Variants in ATAD3C observed in about 807,000 individuals in gnomAD.
ATAD3C encodes the protein ATPase family AAA domain containing 3C.
Under a neutral mutation model 46.3 loss-of-function variants are expected in ATAD3C, and 38 were observed. The observed-to-expected ratio is 0.82, with a 90% confidence interval of 0.63 to 1.08. The LOEUF (loss-of-function observed/expected upper bound fraction) is 1.08. ATAD3C is among the 50% of genes least tolerant of loss of function. The pLI is 0.00. For synonymous variants in ATAD3C, 220 were observed against 236.4 expected, an observed-to-expected ratio of 0.93 and a Z score of 0.63; for missense variants, 563 against 572.7, an observed-to-expected ratio of 0.98 and a Z score of 0.17.
intron 10 of ATAD3C, 134 bp downstream of exon 10, chr1:1,461,051 AG>A (rs1639053444): frequency 4.1e-6 from 5 of 1,216,460 alleles, no homozygotes; most frequent in Non-Finnish European, 5.5e-6. Flanking sequence ...GGTTTCGTGC[AG>A]GAGCCCTGTG....
At chr1:1,463,893 C>T (rs753463856) in intron 11 of ATAD3C, among the ~76,000 whole-genome samples, 1 of 151,620 alleles carries the variant, frequency 6.6e-6, no homozygotes, top group African/African-American at 2.4e-5. Flanking sequence ...GCCTGGGTTA[C>T]AGAGTGAGAC....
rs768274901 is a variant in ATAD3C, at chr1:1,452,406, T to G, written c.194T>G (p.Val65Gly). Residue 65 changes from valine (V) to glycine (G), a missense_variant, in exon 3 of 12, where the codon GTG becomes GGG. By Grantham distance (109) the Val-to-Gly change is moderately radical. Transcript: ENST00000378785. ...TLFGEGFRAF[V>G]TDRDKVTATV... ...TTTGGGGAAGGATTCCGTGCCTTTG[T>G]GACAGACCGGGACAAAGTGACAGCC... 7 of 1,613,738 alleles carry G rather than the reference T, an allele frequency of 4.3e-6. No individual in the cohort carries two copies. In the Admixed American group the frequency reaches 1.2e-4, roughly 27 times the overall value.
At position 1,468,711 on chromosome 1, in the gene ATAD3C, G is replaced by C. The variant is rs1358944940; in HGVS notation, c.*181G>C. The C allele has an allele frequency of 8.7e-7, 1 of 1,146,188 alleles. No individual in the cohort carries two copies. The highest frequency in any genetic ancestry group is 2.5e-5 in the East Asian group (1 of 39,488). The allele number at this position is 1,146,188 out of a possible 1,614,324, so 71.0% of individuals were successfully genotyped here. A position where few individuals can be genotyped will look rare whatever the true frequency, so the allele number is the denominator to read the frequency against. On this transcript the variant is annotated 3_prime_UTR_variant, in exon 12 of 12. Coordinates refer to ENST00000378785, the MANE Select transcript of ATAD3C (RefSeq NM_001039211.3). ...CCCCTAACGTCCCCCTGGGGTCAAA[G>C]GTGACAGAAAAGGCAGAAGCTGGGG... is the stretch of plus-strand genomic sequence containing the variant.
intron 8 of ATAD3C, among the ~76,000 whole-genome samples, 195 bp downstream of exon 8, chr1:1,457,375 A>T (rs1438072688): frequency 6.6e-6 from 1 of 151,776 alleles, no homozygotes; most frequent in Non-Finnish European, 1.5e-5. Context: ...CAAGTGGATC[A>T]CGAGGTCAGG....
intron 11 of ATAD3C, among the ~76,000 whole-genome samples, chr1:1,463,591 G>T (rs2100489532): frequency 6.6e-6 from 1 of 152,032 alleles, no homozygotes; most frequent in Non-Finnish European, 1.5e-5. Context: ...ATCCCCACTT[G>T]GGACCAGGTC....
At chr1:1,457,606 A>AC (rs1380790722) in intron 8 of ATAD3C, among the ~76,000 whole-genome samples, 7 of 150,414 alleles carry the variant, frequency 4.7e-5, no homozygotes, top group African/African-American at 9.8e-5. Context: ...AAAAAAAAAA[A>AC]AAAAAAAACA....
At chr1:1,453,498 G>T (rs763312392) in intron 3 of ATAD3C, among the ~76,000 whole-genome samples, 1 of 151,870 alleles carries the variant, frequency 6.6e-6, no homozygotes, top group African/African-American at 2.4e-5. Flanking sequence ...CACCATGCCC[G>T]GCCAATTTTT....
At chr1:1,463,139 A>C (rs1470568034) in intron 11 of ATAD3C, among the ~76,000 whole-genome samples, 1 of 151,996 alleles carries the variant, frequency 6.6e-6, no homozygotes, top group Admixed American at 6.6e-5. Flanking sequence ...ACGGGCCCAG[A>C]CACATGGGTG....
rs1347992601 is a variant in ATAD3C at position 1,457,233 on chromosome 1, G to A, written c.741+53G>A. 16 of 1,611,158 alleles carry A rather than the reference G, an allele frequency of 9.9e-6. 1 individual carries two copies. Among genetic ancestry groups the A allele is most frequent in the African/African-American group, 4.0e-5 (3 of 74,832 alleles). On this transcript the variant is annotated intron_variant, in intron 8 of 11. Transcript: ENST00000378785. The stretch of plus-strand genomic sequence containing the variant: ...CACAGGAGGGTGGTGGGGTGTGTGC[G>A]GCTGTCATCCTGGGCCAGGCCGCAG...
chr1:1,458,014 T>C lies in ATAD3C; in HGVS notation c.741+834T>C, dbSNP rs149908180. Among the ~76,000 whole-genome samples, 456 of 152,050 alleles carry C rather than the reference T, an allele frequency of 3.0e-3. 2 individuals carry two copies. Among genetic ancestry groups the C allele is most frequent in the African/African-American group, 0.01 (432 of 41,476 alleles). On this transcript the variant is annotated intron_variant, in intron 8 of 11. Coordinates refer to ENST00000378785, the MANE Select transcript of ATAD3C (RefSeq NM_001039211.3). ...ATTTATTTGAGACAAAGTCTCACTCTATCCCTTAAGCTGGCTTGCAGTGGC... is the reference window on the plus strand; with the variant it reads ...ATTTATTTGAGACAAAGTCTCACTCCATCCCTTAAGCTGGCTTGCAGTGGC...
rs112575853 is a variant in ATAD3C, at chr1:1,462,987, C to T, written c.1089+279C>T. On this transcript the variant is annotated intron_variant, in intron 11 of 11. Coordinates refer to ENST00000378785, the MANE Select transcript of ATAD3C (RefSeq NM_001039211.3). The surrounding 1 kb of genome is among the most constrained non-coding windows in gnomAD (Gnocchi z 4.5). ...GTAGCCCGGGCTCTGCCAGGTGGGG[C>T]GGGAGGCTTCTGATGCTCACCTTGG... 1.1e-4 allele frequency among the ~76,000 whole-genome samples: 17 copies of T among 152,222 alleles called. No homozygotes were observed. The highest frequency in any genetic ancestry group is 3.9e-4 in the East Asian group (2 of 5,182).
intron 11 of ATAD3C, among the ~76,000 whole-genome samples, chr1:1,468,130 G>A (rs1307390031): frequency 4.3e-4 from 65 of 152,168 alleles, no homozygotes; most frequent in African/African-American, 1.4e-3. Context: ...GTGAGGCTCC[G>A]CCTTGGGCTT....
Position 1,452,084 on chromosome 1 carries a change from C to G in ATAD3C, c.114C>G (p.Ser38=). 1 of 1,613,664 alleles carries G rather than the reference C, an allele frequency of 6.2e-7. No homozygotes were observed. Among genetic ancestry groups the G allele is most frequent in the Non-Finnish European group, 8.5e-7 (1 of 1,179,672 alleles). ...VNEDLRKQEE[S]VQKHHQTFLE... The stretch of plus-strand genomic sequence containing the variant: ...AGGATTTACGGAAGCAGGAGGAGTC[C>G]GTGCAGAAGCACCATCAGACCTTCT... The change falls in exon 2 of 12, where the codon TCC becomes TCG. Residue 38 remains serine (S), a synonymous_variant. Transcript: ENST00000378785.
At chr1:1,451,244 G>A (rs769896105) in intron 1 of ATAD3C, among the ~76,000 whole-genome samples, 3 of 151,632 alleles carry the variant, frequency 2.0e-5, no homozygotes, top group Non-Finnish European at 4.4e-5. Flanking sequence ...GGGTTTCAGC[G>A]TGTCAGCCAG....
rs1313082781 is a variant in ATAD3C at position 1,463,875 on chromosome 1, G to A, written c.1089+1167G>A. 2.0e-5 allele frequency among the ~76,000 whole-genome samples: 3 copies of A among 151,900 alleles called. 1 individual carries two copies. Among genetic ancestry groups the A allele is most frequent in the Non-Finnish European group, 4.4e-5 (3 of 67,976 alleles). ...TGCAGTGAGCTGTGATTGTGCCACTGCACTCCAGCCTGGGTTACAGAGTGA... is the reference window on the plus strand; with the variant it reads ...TGCAGTGAGCTGTGATTGTGCCACTACACTCCAGCCTGGGTTACAGAGTGA... On this transcript the variant is annotated intron_variant, in intron 11 of 11. Transcript: ENST00000378785.
chr1:1,457,011 G>A, intron 7 of ATAD3C, 118 bp from the exon 8 acceptor site: 2 of 1,417,646 alleles, frequency 1.4e-6, no homozygotes, highest in Non-Finnish European at 2.0e-6. Flanking sequence ...GGCTCCGTGG[G>A]GCAGAGCCTG....
chr1:1,460,815 A>C lies in ATAD3C; in HGVS notation c.878A>C (p.Asp293Ala). 6.2e-7 allele frequency: 1 copy of C among 1,612,964 alleles called. No individual in the cohort carries two copies. Among genetic ancestry groups the C allele is most frequent in the Non-Finnish European group, 8.5e-7 (1 of 1,179,394 alleles). ...GACTGGGCCATCAATGCCTGCATCG[A>C]CGTGATGGTCCACTTCGACCTGCCA... Reference protein sequence around the residue: ...QFDWAINACIDVMVHFDLPGQ... With the variant: ...QFDWAINACIAVMVHFDLPGQ... Residue 293 changes from aspartate to alanine, a missense_variant, in exon 10 of 12, where the codon GAC becomes GCC. Coordinates refer to ENST00000378785, the MANE Select transcript of ATAD3C (RefSeq NM_001039211.3).
intron 8 of ATAD3C, among the ~76,000 whole-genome samples, chr1:1,458,360 C>T (rs1300857547): frequency 9.2e-5 from 14 of 151,460 alleles, no homozygotes; most frequent in African/African-American, 2.9e-4. Context: ...CCGCAACCTC[C>T]GCCCCCTGGG....
At chr1:1,452,170 G>T (rs1297797866) in intron 2 of ATAD3C, 48 bp downstream of exon 2, 1 of 1,605,734 alleles carries the variant, frequency 6.2e-7, no homozygotes, top group South Asian at 1.1e-5. Context: ...GCCCCCACAG[G>T]TGTGAGTCGC....
Sources: allele counts gnomAD v4.1 joint callset (sites outside exome capture counted in the v4.1 genomes callset), GRCh38; gene constraint gnomAD v4.1.1; non-coding constraint Gnocchi (gnomAD v3.1); transcripts MANE v1.5; gene names NCBI Gene and HGNC (gene_info 2026-07-23, HGNC 2026-07-21).